The following TOLLIP variants were observed in gnomAD, a reference collection of about 807,000 sequenced individuals.
The protein encoded by TOLLIP is toll interacting protein.
Under a neutral mutation model 33.5 loss-of-function variants are expected in TOLLIP, and 16 were observed. The ratio of observed to expected loss-of-function variants is 0.48; its 90% CI spans 0.32 to 0.72. TOLLIP has a LOEUF of 0.72. Ranked by LOEUF, TOLLIP falls within the 30% of genes least tolerant of loss-of-function variation. TOLLIP has a pLI of 0.03. For missense variants in TOLLIP, 325 were observed against 396.6 expected, an observed-to-expected ratio of 0.82 and a Z score of 1.53; for synonymous variants, 176 against 163.7, an observed-to-expected ratio of 1.07 and a Z score of -0.57.
At chr11:1,299,831 T>A (rs893427379) in intron 1 of TOLLIP, among the ~76,000 whole-genome samples, 1 of 152,150 alleles carries the variant, frequency 6.6e-6, no homozygotes, top group South Asian at 2.1e-4. Context: ...AAACGCCCCG[T>A]CCACCAGCCA....
intron 2 of TOLLIP, chr11:1,291,764 G>A (rs1273116096): frequency 6.6e-6 from 1 of 151,166 alleles, no homozygotes; most frequent in African/African-American, 2.6e-5. Context: ...CTGAGGGCAC[G>A]GCCGCCCCGT....
intron 1 of TOLLIP, among the ~76,000 whole-genome samples, chr11:1,308,101 C>T (rs1326845850): frequency 6.6e-6 from 1 of 152,200 alleles, no homozygotes; most frequent in Non-Finnish European, 1.5e-5. Context: ...CTGTACCGCT[C>T]ACGACAGCCT....
At chr11:1,298,194 C>T (rs1864166669) in intron 1 of TOLLIP, 1 of 152,328 alleles carries the variant, frequency 6.6e-6, no homozygotes, top group South Asian at 2.1e-4. Flanking sequence ...CTGTGTGCCA[C>T]ATGCACAGCT....
rs1005708389 is a variant in TOLLIP at position 1,278,329 on chromosome 11, C to T, written c.611-1076G>A. On this transcript the variant is annotated intron_variant, in intron 5 of 5. Coordinates refer to ENST00000317204, the MANE Select transcript of TOLLIP (RefSeq NM_019009.4). The surrounding 1 kb of genome is among the most constrained non-coding windows in gnomAD (Gnocchi z 4.7). ...ACCCGTTCATTCACCTTTAAAAGCA[C>T]GAACCATCTCCCAGCTAGGATCACT... is the stretch of plus-strand genomic sequence containing the variant. 2.6e-5 allele frequency among the ~76,000 whole-genome samples: 4 copies of T among 152,192 alleles called. No individual in the cohort carries two copies. Among genetic ancestry groups the T allele is most frequent in the Non-Finnish European group, 5.9e-5 (4 of 68,040 alleles).
At chr11:1,307,143 G>T (rs1325485469) in intron 1 of TOLLIP, among the ~76,000 whole-genome samples, 1 of 152,156 alleles carries the variant, frequency 6.6e-6, no homozygotes, top group East Asian at 1.9e-4. Context: ...TGGTAGCGCT[G>T]GTTGATTAAG....
chr11:1,277,558 T>A lies in TOLLIP; in HGVS notation c.611-305A>T, dbSNP rs780318280. Among the ~76,000 whole-genome samples, 1 of 152,208 alleles carries A rather than the reference T, an allele frequency of 6.6e-6. No individual in the cohort carries two copies. The highest frequency in any genetic ancestry group is 1.5e-5 in the Non-Finnish European group (1 of 68,042). On this transcript the variant is annotated intron_variant, in intron 5 of 5. Transcript: ENST00000317204. This position sits in a 1 kb window ranked among gnomAD's most constrained non-coding sequence, Gnocchi z 4.2. ...ATCTCACCCGAGTCTGTTTTATAAC[T>A]AGCAGGCTGGGGGTGGTGTTTTGAT...
intron 1 of TOLLIP, among the ~76,000 whole-genome samples, chr11:1,308,251 T>G (rs1195038091): frequency 6.6e-6 from 1 of 152,174 alleles, no homozygotes; most frequent in Non-Finnish European, 1.5e-5. Flanking sequence ...CCTCGTGGCT[T>G]GGTGCTGTCC....
intron 2 of TOLLIP, among the ~76,000 whole-genome samples, chr11:1,294,326 T>C (rs1216435855): frequency 6.4e-5 from 4 of 62,026 alleles, no homozygotes; most frequent in Admixed American, 3.0e-4. Context: ...TTTCCCTGCA[T>C]TTCTACGAAA....
intron 4 of TOLLIP, among the ~76,000 whole-genome samples, chr11:1,286,905 C>T (rs981453385): frequency 2.6e-5 from 4 of 152,032 alleles, no homozygotes; most frequent in African/African-American, 9.7e-5. Flanking sequence ...GAGTTCAAAA[C>T]TGTCCACTGC....
chr11:1,296,673 T>A (rs1404809616), intron 1 of TOLLIP, among the ~76,000 whole-genome samples: 1 of 122,562 alleles, frequency 8.2e-6, no homozygotes, highest in African/African-American at 3.2e-5. Context: ...TGGTTGCTGG[T>A]GGAGTGGGGT....
intron 2 of TOLLIP, among the ~76,000 whole-genome samples, chr11:1,292,588 T>C (rs5743945): frequency 7.4e-4 from 113 of 152,356 alleles, no homozygotes; most frequent in Non-Finnish European, 1.4e-3. Context: ...ACCTCCTCGA[T>C]GTTTATGGAA....
intron 4 of TOLLIP, among the ~76,000 whole-genome samples, chr11:1,288,217 G>T (rs5743973): frequency 0.065 from 9,833 of 152,304 alleles, 304 homozygotes; most frequent in Middle Eastern, 0.13. Context: ...TGCCTGCCCT[G>T]TGGGGAGGAG....
chr11:1,279,092 G>A (rs528927870), intron 5 of TOLLIP, among the ~76,000 whole-genome samples: 2 of 152,374 alleles, frequency 1.3e-5, no homozygotes, highest in Admixed American at 1.3e-4. Context: ...GACAGGAGGA[G>A]GGGAACTGCT....
rs903519953 is a variant in TOLLIP, at chr11:1,303,168, T to A, written c.33+6298A>T. ...GAGAATAAGCATAGATTATAAAAGC[T>A]GACTACAGAACAAGCGACTTTAAAT... On this transcript the variant is annotated intron_variant, in intron 1 of 5. Coordinates refer to ENST00000317204, the MANE Select transcript of TOLLIP (RefSeq NM_019009.4). This position sits in a 1 kb window ranked among gnomAD's most constrained non-coding sequence, Gnocchi z 4.2. Among the ~76,000 whole-genome samples the A allele has an allele frequency of 1.3e-5, 2 of 152,128 alleles. No individual in the cohort carries two copies. Among genetic ancestry groups the A allele is most frequent in the African/African-American group, 4.8e-5 (2 of 41,420 alleles).
At chr11:1,282,570 A>G (rs1276432839) in intron 5 of TOLLIP, among the ~76,000 whole-genome samples, 3 of 152,112 alleles carry the variant, frequency 2.0e-5, no homozygotes, top group Non-Finnish European at 2.9e-5. Context: ...GCACACGGAT[A>G]CATATGTAAC....
rs1863244789 is a variant in TOLLIP at position 1,275,052 on chromosome 11, T to TA, written c.*1986dup. ...AAATGTGATTTGTCTATTAAAAAAA[T>TA]AAAGCGCTTGTGAAAAAGAAAACTA... On this transcript the variant is annotated 3_prime_UTR_variant, in exon 6 of 6. Coordinates refer to ENST00000317204, the MANE Select transcript of TOLLIP (RefSeq NM_019009.4). The TA allele has an allele frequency of 6.6e-6, 1 of 152,088 alleles. No individual in the cohort carries two copies. The highest frequency in any genetic ancestry group is 6.5e-5 in the Admixed American group (1 of 15,276). The allele number at this position is 152,088 out of a possible 1,614,324, so 9.4% of individuals were successfully genotyped here. A position where few individuals can be genotyped will look rare whatever the true frequency, so the allele number is the denominator to read the frequency against.
chr11:1,307,805 A>G (rs1864458351), intron 1 of TOLLIP, among the ~76,000 whole-genome samples: 1 of 152,214 alleles, frequency 6.6e-6, no homozygotes, highest in South Asian at 2.1e-4. Context: ...CGTAGGCTCC[A>G]CACCTGAGTC....
At chr11:1,288,316 G>A (rs913390724) in intron 4 of TOLLIP, among the ~76,000 whole-genome samples, 9 of 152,186 alleles carry the variant, frequency 5.9e-5, no homozygotes, top group Non-Finnish European at 8.8e-5. Context: ...AAGGGCTGTG[G>A]GGGTCCTCCG....
At chr11:1,305,035 G>A (rs781743709) in intron 1 of TOLLIP, among the ~76,000 whole-genome samples, 6 of 152,212 alleles carry the variant, frequency 3.9e-5, no homozygotes, top group Non-Finnish European at 8.8e-5. Context: ...GAAGGAAAAA[G>A]TACTAGGTGA....
Sources: gnomAD v4.1 joint callset for allele counts (sites outside exome capture counted in the v4.1 genomes callset) on GRCh38, gnomAD v4.1.1 for gene constraint, Gnocchi (gnomAD v3.1) non-coding constraint, MANE v1.5 for transcripts, NCBI Gene and HGNC (gene_info 2026-07-23, HGNC 2026-07-21) for gene names.